Variants in ANK2 observed in about 807,000 individuals in gnomAD.
The protein encoded by ANK2 is ankyrin 2, also known as ankyrin-2.
Under a neutral mutation model 360.5 loss-of-function variants are expected in ANK2, and 83 were observed. That is an observed-to-expected ratio of 0.23 (90% CI 0.19 to 0.28). The LOEUF (loss-of-function observed/expected upper bound fraction) is 0.28. ANK2 is among the 10% of genes least tolerant of loss of function. The probability of loss-of-function intolerance (pLI) is 1.00; values close to 1 mark genes in which losing one functional copy is unlikely to be tolerated. For missense variants in ANK2, 4,201 were observed against 4,795.7 expected (o/e 0.88, Z 3.66); for synonymous variants, 1,740 against 1,759.5 (o/e 0.99, Z 0.28).
At chr4:113,064,752 T>C (rs1339053084) in intron 1 of ANK2, among the ~76,000 whole-genome samples, 1 of 150,030 alleles carries the variant, frequency 6.7e-6, no homozygotes, top group African/African-American at 2.5e-5. Context: ...CTAACAAAAA[T>C]GTTAGAAAGT....
chr4:112,823,375 G>A (rs1278091183), intron 1 of ANK2, among the ~76,000 whole-genome samples: 1 of 152,164 alleles, frequency 6.6e-6, no homozygotes, highest in Non-Finnish European at 1.5e-5. Context: ...AGAAACAAAT[G>A]ACTGCATGTG....
At chr4:112,982,473 A>G (rs1220884901) in intron 2 of ANK2, among the ~76,000 whole-genome samples, 1 of 152,188 alleles carries the variant, frequency 6.6e-6, no homozygotes, top group Non-Finnish European at 1.5e-5. Context: ...GAAACTTTCT[A>G]ATTTTAAAAA....
intron 2 of ANK2, among the ~76,000 whole-genome samples, chr4:112,954,596 C>T (rs2095244277): frequency 6.6e-6 from 1 of 152,148 alleles, no homozygotes; most frequent in Non-Finnish European, 1.5e-5. Flanking sequence ...CTGGGTTTTA[C>T]TACTCATTGA....
chr4:113,355,179 C>T lies in ANK2; in HGVS notation c.6561C>T (p.Phe2187=), dbSNP rs950082624. The T allele has an allele frequency of 5.0e-6, 8 of 1,614,022 alleles. No homozygotes were observed. The African/African-American group carries it at 8.0e-5, about 16-fold the overall frequency. The change falls in exon 38 of 46, where the codon TTC becomes TTT. Residue 2187 remains phenylalanine (F), a synonymous_variant. Transcript: ENST00000357077. Reference sequence around the variant, plus strand: ...CACTCGACTACATGAAAGATGAGTTCCTTCCAGCTCTGTCTTTACAAAGCG... The same window carrying T: ...CACTCGACTACATGAAAGATGAGTTTCTTCCAGCTCTGTCTTTACAAAGCG... ...TFPLDYMKDE[F]LPALSLQSGA...
chr4:113,174,403 A>G lies in ANK2; in HGVS notation c.85-13A>G, dbSNP rs763460244. ...ATCAATAGTTCATTAAAGGTCTTTT[A>G]TTTTTCTCGCAGTCTGACAGCAATG... On this transcript the variant is annotated splice_polypyrimidine_tract_variant and intron_variant, in intron 1 of 45. Transcript: ENST00000357077. The G allele has an allele frequency of 3.1e-6, 5 of 1,603,982 alleles. No individual in the cohort carries two copies. The highest frequency in any genetic ancestry group is 1.1e-5 in the South Asian group (1 of 89,854).
chr4:112,795,801 ATTT>A, the ANK2 span, among the ~76,000 whole-genome samples: 3 of 137,794 alleles, frequency 2.2e-5, no homozygotes, highest in Non-Finnish European at 3.1e-5. Context: ...TGTGCCCAGC[ATTT>A]TTTTTTTTTT....
chr4:112,712,406 A>T, the ANK2 span, among the ~76,000 whole-genome samples: 45,589 of 86,516 alleles, frequency 0.53, 13,245 homozygotes, highest in East Asian at 0.85. Flanking sequence ...ATATATATAT[A>T]TTTTTTTTTT....
chr4:113,339,405 T>A (rs2093987071), intron 32 of ANK2, 83 bp downstream of exon 32: 7 of 1,148,584 alleles, frequency 6.1e-6, no homozygotes, highest in Non-Finnish European at 9.2e-6. Context: ...TGTTTCTTTA[T>A]TGTTTAAAAG....
intron 45 of ANK2, 137 bp downstream of exon 45, chr4:113,373,586 C>T (rs1433037562): frequency 1.1e-6 from 1 of 931,942 alleles, no homozygotes; most frequent in South Asian, 1.3e-5. Flanking sequence ...GTTGCACATT[C>T]ACCTTTTTGT....
chr4:112,966,667 G>T (rs1179714552), intron 2 of ANK2, among the ~76,000 whole-genome samples: 3 of 151,916 alleles, frequency 2.0e-5, no homozygotes, highest in Admixed American at 6.6e-5. Flanking sequence ...AGAATTAAAG[G>T]TGTCTATATT....
chr4:113,259,400 G>T (rs1176440709), intron 13 of ANK2, among the ~76,000 whole-genome samples: 1 of 152,120 alleles, frequency 6.6e-6, no homozygotes, highest in African/African-American at 2.4e-5. Flanking sequence ...TTCCATTTAA[G>T]CTGTGAAAGA....
intron 1 of ANK2, among the ~76,000 whole-genome samples, chr4:112,887,743 A>T (rs962146471): frequency 6.6e-6 from 1 of 152,136 alleles, no homozygotes; most frequent in African/African-American, 2.4e-5. Flanking sequence ...CAAATAAAAA[A>T]AAAAGCAGTT....
intron 1 of ANK2, among the ~76,000 whole-genome samples, chr4:113,106,305 A>G (rs2093622021): frequency 6.6e-6 from 1 of 152,190 alleles, no homozygotes; most frequent in Non-Finnish European, 1.5e-5. Flanking sequence ...GTGAACACAC[A>G]TGACAAAAAA....
intron 14 of ANK2, among the ~76,000 whole-genome samples, chr4:113,270,297 G>A (rs1199418468): frequency 6.6e-6 from 1 of 152,034 alleles, no homozygotes; most frequent in East Asian, 1.9e-4. Flanking sequence ...TCATTTTCAT[G>A]TGTCTCTGCC....
intron 17 of ANK2, 42 bp downstream of exon 17, chr4:113,278,600 T>C (rs2153701569): frequency 6.4e-7 from 1 of 1,573,454 alleles, no homozygotes; most frequent in Non-Finnish European, 8.7e-7. Context: ...AGGGTGTAAC[T>C]ATCGCCTGAA....
chr4:113,140,186 T>C (rs1028355922), intron 1 of ANK2, among the ~76,000 whole-genome samples: 2 of 152,348 alleles, frequency 1.3e-5, no homozygotes, highest in South Asian at 2.1e-4. Context: ...CCAATTTTCT[T>C]TCCACAGGTC....
intron 2 of ANK2, among the ~76,000 whole-genome samples, chr4:112,981,384 A>T (rs2043069993): frequency 6.6e-6 from 1 of 152,248 alleles, no homozygotes; most frequent in Admixed American, 6.5e-5. Flanking sequence ...GGCGATGAAG[A>T]GGAGGAGGAG....
intron 18 of ANK2, among the ~76,000 whole-genome samples, chr4:113,283,311 C>T (rs182199716): frequency 2.6e-5 from 4 of 152,224 alleles, no homozygotes; most frequent in Admixed American, 6.5e-5. Flanking sequence ...ACTGGCAGGC[C>T]GATGTTCACC....
At chr4:113,026,812 A>G (rs2059378713) in intron 2 of ANK2, among the ~76,000 whole-genome samples, 1 of 152,172 alleles carries the variant, frequency 6.6e-6, no homozygotes, top group South Asian at 2.1e-4. Flanking sequence ...GAAGGAAAAA[A>G]ATAAAAAATG....
Sources: allele counts gnomAD v4.1 joint callset (sites outside exome capture counted in the v4.1 genomes callset), GRCh38; gene constraint gnomAD v4.1.1; transcripts MANE v1.5; gene names NCBI Gene and HGNC (gene_info 2026-07-23, HGNC 2026-07-21).